The following TAFA2 variants were observed in gnomAD, a reference collection of about 807,000 sequenced individuals.
TAFA2 encodes the protein TAFA chemokine like family member 2, also known as chemokine-like protein TAFA-2.
A neutral mutation model predicts 18.8 loss-of-function variants in TAFA2; 7 were observed. That is an observed-to-expected ratio of 0.37 (90% CI 0.21 to 0.70). The LOEUF (loss-of-function observed/expected upper bound fraction) is 0.70, where lower values mean the gene tolerates loss of function less well. Among genes scored for constraint, TAFA2 ranks in the 30% least tolerant of loss-of-function variants. The pLI is 0.53. For synonymous variants in TAFA2, 60 were observed against 54.2 expected (o/e 1.11, Z -0.47); for missense variants, 122 against 158.1 (o/e 0.77, Z 1.23).
intron 1 of TAFA2, among the ~76,000 whole-genome samples, chr12:61,910,093 T>C (rs1876537352): frequency 1.3e-5 from 1 of 79,218 alleles, no homozygotes; most frequent in African/African-American, 8.2e-5. Flanking sequence ...TGTGTGTGTG[T>C]GTGTGTTTGT....
At chr12:62,163,240 G>A (rs946754142) in intron 1 of TAFA2, among the ~76,000 whole-genome samples, 6 of 152,052 alleles carry the variant, frequency 3.9e-5, no homozygotes, top group African/African-American at 1.4e-4. Flanking sequence ...GGTATGTTCA[G>A]TACCAGGCTC....
chr12:61,798,615 C>A (rs192302779), intron 2 of TAFA2, among the ~76,000 whole-genome samples: 1 of 152,230 alleles, frequency 6.6e-6, no homozygotes, highest in African/African-American at 2.4e-5. Context: ...ATGAACTTGG[C>A]AACTCTTGGT....
chr12:61,752,155 GATA>G (rs1442150285), intron 4 of TAFA2, among the ~76,000 whole-genome samples: 1 of 151,968 alleles, frequency 6.6e-6, no homozygotes, highest in Non-Finnish European at 1.5e-5. Flanking sequence ...TGTAAAAGGA[GATA>G]ATAACACTAT....
At chr12:61,766,455 T>C (rs1474447246) in intron 2 of TAFA2, among the ~76,000 whole-genome samples, 5 of 152,114 alleles carry the variant, frequency 3.3e-5, no homozygotes, top group African/African-American at 1.2e-4. Context: ...TCTTTTAATC[T>C]TTCAAGATTT....
At chr12:62,182,385 G>T (rs1160910448) in intron 1 of TAFA2, among the ~76,000 whole-genome samples, 3 of 152,282 alleles carry the variant, frequency 2.0e-5, no homozygotes, top group Non-Finnish European at 4.4e-5. Flanking sequence ...GCTTGCCACA[G>T]GGAGAAACCT....
At chr12:61,966,936 A>G (rs1879088023) in intron 1 of TAFA2, among the ~76,000 whole-genome samples, 1 of 151,902 alleles carries the variant, frequency 6.6e-6, no homozygotes, top group Admixed American at 6.6e-5. Flanking sequence ...TTCTATATGC[A>G]TCTTTTCCTA....
chr12:61,856,954 A>G (rs986267567), intron 2 of TAFA2, among the ~76,000 whole-genome samples: 2 of 151,744 alleles, frequency 1.3e-5, no homozygotes, highest in East Asian at 3.9e-4. Flanking sequence ...GTAAGACACA[A>G]ATCTATAAAT....
chr12:62,133,026 A>C (rs1870751632), intron 1 of TAFA2, among the ~76,000 whole-genome samples: 1 of 152,114 alleles, frequency 6.6e-6, no homozygotes, highest in Non-Finnish European at 1.5e-5. Context: ...TGGAATAATT[A>C]TTTGTGGTAC....
Position 61,746,055 on chromosome 12 carries a change from T to C in TAFA2, c.384+7567A>G, listed in dbSNP as rs144022213. Among the ~76,000 whole-genome samples the C allele has an allele frequency of 8.2e-3, 1,244 of 151,728 alleles. 10 individuals carry two copies. Among genetic ancestry groups the C allele is most frequent in the African/African-American group, 0.026 (1,089 of 41,400 alleles). On this transcript the variant is annotated intron_variant, in intron 4 of 4. Transcript: ENST00000416284. ...TGGCTACCTTGGTAATATGGTTTAGTTGTGTCCCCACCCAAAATCTCACCT... is the reference window on the plus strand; with the variant it reads ...TGGCTACCTTGGTAATATGGTTTAGCTGTGTCCCCACCCAAAATCTCACCT...
chr12:62,190,706 G>A (rs1320848312), intron 1 of TAFA2, among the ~76,000 whole-genome samples: 1 of 152,174 alleles, frequency 6.6e-6, no homozygotes, highest in East Asian at 1.9e-4. Flanking sequence ...TATGAAGATA[G>A]TTAGAGGTGG....
At chr12:62,060,700 C>T (rs1882323771) in intron 1 of TAFA2, among the ~76,000 whole-genome samples, 1 of 152,132 alleles carries the variant, frequency 6.6e-6, no homozygotes, top group Non-Finnish European at 1.5e-5. Context: ...CCCCTGAAGA[C>T]CTTCCAGTGG....
chr12:61,913,074 T>G (rs140219374), intron 1 of TAFA2, among the ~76,000 whole-genome samples: 82 of 152,346 alleles, frequency 5.4e-4, no homozygotes, highest in African/African-American at 1.9e-3. Context: ...GAAATTTTTT[T>G]AAACACTCTA....
At chr12:62,049,556 C>A (rs1881996443) in intron 1 of TAFA2, among the ~76,000 whole-genome samples, 1 of 151,958 alleles carries the variant, frequency 6.6e-6, no homozygotes, top group African/African-American at 2.4e-5. Flanking sequence ...GAATAATGAG[C>A]AAAGAAGCCA....
intron 4 of TAFA2, among the ~76,000 whole-genome samples, chr12:61,746,343 CAA>C (rs1171462784): frequency 2.0e-5 from 3 of 152,120 alleles, no homozygotes; most frequent in African/African-American, 7.2e-5. Flanking sequence ...AACTGTGAGT[CAA>C]TTAACCCTCC....
chr12:61,728,064 T>C (rs1046540628), intron 4 of TAFA2, among the ~76,000 whole-genome samples: 1 of 151,398 alleles, frequency 6.6e-6, no homozygotes, highest in Non-Finnish European at 1.5e-5. Flanking sequence ...GATGTGCAGT[T>C]TTATTCCACT....
At chr12:61,965,723 ACTG>A (rs1287543195) in intron 1 of TAFA2, among the ~76,000 whole-genome samples, 4 of 151,936 alleles carry the variant, frequency 2.6e-5, no homozygotes, top group Non-Finnish European at 5.9e-5. Flanking sequence ...TCACATAATT[ACTG>A]CTACTTGACT....
intron 1 of TAFA2, among the ~76,000 whole-genome samples, chr12:62,239,567 C>T (rs1008231064): frequency 1.3e-5 from 2 of 152,168 alleles, no homozygotes; most frequent in African/African-American, 2.4e-5. Flanking sequence ...CTCCCAAGAA[C>T]AGATCACAGA....
At chr12:61,845,088 A>G (rs1411401290) in intron 2 of TAFA2, among the ~76,000 whole-genome samples, 1 of 152,020 alleles carries the variant, frequency 6.6e-6, no homozygotes, top group Non-Finnish European at 1.5e-5. Flanking sequence ...ACAAACAACA[A>G]AGGTATTTCA....
intron 2 of TAFA2, among the ~76,000 whole-genome samples, chr12:61,781,133 C>T (rs984127652): frequency 6.6e-6 from 1 of 151,756 alleles, no homozygotes; most frequent in Admixed American, 6.6e-5. Flanking sequence ...AGTGTGAAGG[C>T]ATCTCAGTGA....
Sources: gnomAD v4.1 joint callset for allele counts (sites outside exome capture counted in the v4.1 genomes callset) on GRCh38, gnomAD v4.1.1 for gene constraint, MANE v1.5 for transcripts, NCBI Gene and HGNC (gene_info 2026-07-23, HGNC 2026-07-21) for gene names.